GRIK2: variants seen among roughly 807,000 people sequenced by gnomAD.
GRIK2 encodes glutamate receptor ionotropic, kainate 2.
GRIK2 carries 32 observed loss-of-function variants against 100.3 expected under a neutral mutation model. The observed-to-expected ratio is 0.32, with a 90% confidence interval of 0.24 to 0.43. The LOEUF (loss-of-function observed/expected upper bound fraction) is 0.43, where lower values mean the gene tolerates loss of function less well. GRIK2 is among the 20% of genes least tolerant of loss of function. The probability of loss-of-function intolerance (pLI) is 1.00; values close to 1 mark genes in which losing one functional copy is unlikely to be tolerated. For missense variants in GRIK2, 843 were observed against 1,114.9 expected, an observed-to-expected ratio of 0.76 and a Z score of 3.47; for synonymous variants, 417 against 389.4, an observed-to-expected ratio of 1.07 and a Z score of -0.83.
chr6:101,819,365 T>G (rs1297924508), intron 10 of GRIK2, among the ~76,000 whole-genome samples: 2 of 152,208 alleles, frequency 1.3e-5, no homozygotes, highest in Non-Finnish European at 2.9e-5. Flanking sequence ...GAATATATAT[T>G]CTTGCCCCTT....
chr6:101,911,276 C>A (rs1463061665), intron 12 of GRIK2, among the ~76,000 whole-genome samples: 3 of 151,436 alleles, frequency 2.0e-5, no homozygotes, highest in Non-Finnish European at 4.4e-5. Flanking sequence ...ATATGAGGTG[C>A]CTGTCACAAT....
intron 7 of GRIK2, among the ~76,000 whole-genome samples, chr6:101,694,347 G>A (rs531061397): frequency 6.6e-6 from 1 of 152,232 alleles, no homozygotes; most frequent in East Asian, 1.9e-4. Context: ...TTAACAGCAA[G>A]TTTGACATAA....
chr6:101,539,382 T>C (rs1331122705), intron 2 of GRIK2, among the ~76,000 whole-genome samples: 54 of 151,876 alleles, frequency 3.6e-4, no homozygotes, highest in Non-Finnish European at 1.2e-4. Context: ...AATAAAGCCA[T>C]CATGGAAATG....
At chr6:101,562,125 A>AG (rs1305217279) in intron 2 of GRIK2, among the ~76,000 whole-genome samples, 1 of 152,094 alleles carries the variant, frequency 6.6e-6, no homozygotes, top group African/African-American at 2.4e-5. Flanking sequence ...GTCTGTGAAA[A>AG]GGGGGGAAAT....
chr6:101,992,256 A>C (rs1794417277), intron 14 of GRIK2, among the ~76,000 whole-genome samples: 1 of 151,620 alleles, frequency 6.6e-6, no homozygotes, highest in South Asian at 2.1e-4. Flanking sequence ...ATGACCTCTG[A>C]TTAATCTCTT....
At chr6:101,832,777 T>G (rs2128428817) in intron 10 of GRIK2, among the ~76,000 whole-genome samples, 1 of 152,310 alleles carries the variant, frequency 6.6e-6, no homozygotes, top group African/African-American at 2.4e-5. Context: ...TTATTATAAA[T>G]TCTGGTTTTG....
At chr6:101,780,788 T>G (rs904374618) in intron 7 of GRIK2, among the ~76,000 whole-genome samples, 1 of 152,132 alleles carries the variant, frequency 6.6e-6, no homozygotes, top group Non-Finnish European at 1.5e-5. Flanking sequence ...TAAATTTGGG[T>G]GTAAGAGACG....
chr6:101,810,188 C>T (rs1217579022), intron 9 of GRIK2, among the ~76,000 whole-genome samples: 2 of 151,696 alleles, frequency 1.3e-5, no homozygotes, highest in Non-Finnish European at 2.9e-5. Flanking sequence ...GGAAAAATGG[C>T]TTTTAACTGA....
intron 7 of GRIK2, among the ~76,000 whole-genome samples, chr6:101,689,339 A>G (rs1771931021): frequency 6.6e-6 from 1 of 152,074 alleles, no homozygotes; most frequent in Non-Finnish European, 1.5e-5. Flanking sequence ...AAGACCTATT[A>G]TTATCAGTAT....
chr6:101,795,266 A>G (rs889010998), intron 7 of GRIK2, among the ~76,000 whole-genome samples: 1 of 152,132 alleles, frequency 6.6e-6, no homozygotes, highest in African/African-American at 2.4e-5. Context: ...CTTTGATTAT[A>G]GGGTTAGCAG....
intron 2 of GRIK2, among the ~76,000 whole-genome samples, chr6:101,442,454 A>G (rs1582460977): frequency 1.3e-5 from 2 of 151,984 alleles, no homozygotes; most frequent in Admixed American, 6.6e-5. Flanking sequence ...CTGGTTGGAG[A>G]TTCTCTGGGG....
At chr6:102,031,565 T>C (rs1371032726) in intron 14 of GRIK2, among the ~76,000 whole-genome samples, 1 of 151,250 alleles carries the variant, frequency 6.6e-6, no homozygotes, top group Non-Finnish European at 1.5e-5. Context: ...GTTGATCATG[T>C]CACCTAGGTA....
chr6:101,505,060 GT>G (rs5878668), intron 2 of GRIK2, among the ~76,000 whole-genome samples: 69,012 of 144,924 alleles, frequency 0.48, 16,283 homozygotes, highest in South Asian at 0.67. Flanking sequence ...AGTTTTTTTT[GT>G]TTTTTTTTTT....
intron 7 of GRIK2, among the ~76,000 whole-genome samples, chr6:101,700,539 T>C (rs1772816480): frequency 6.6e-6 from 1 of 152,124 alleles, no homozygotes; most frequent in Non-Finnish European, 1.5e-5. Flanking sequence ...GTGGTGATTA[T>C]ATAAAGATAT....
At chr6:101,697,573 A>T (rs1209281915) in intron 7 of GRIK2, among the ~76,000 whole-genome samples, 1 of 151,994 alleles carries the variant, frequency 6.6e-6, no homozygotes, top group East Asian at 1.9e-4. Context: ...TCAATGTCAG[A>T]TCATTTCGTT....
Position 101,622,180 on chromosome 6 carries a change from A to G in GRIK2, c.283+64A>G, listed in dbSNP as rs1001421839. The G allele has an allele frequency of 4.1e-6, 4 of 964,750 alleles. No individual in the cohort carries two copies. The Admixed American group carries it at 9.1e-5, about 22-fold the overall frequency. The allele number at this position is 964,750 out of a possible 1,614,324, so 59.8% of individuals were successfully genotyped here. On this transcript the variant is annotated intron_variant, in intron 3 of 16. Coordinates refer to ENST00000369134, the MANE Select transcript of GRIK2 (RefSeq NM_021956.5). ...TCAAATTTCTAGGTATTCTTAAGAG[A>G]TTTTTTTATTTTTCAACATACAGTT...
chr6:101,970,801 C>A (rs1168176051), intron 14 of GRIK2, among the ~76,000 whole-genome samples: 1 of 150,676 alleles, frequency 6.6e-6, no homozygotes, highest in Admixed American at 6.6e-5. Flanking sequence ...GCAGTTAAGT[C>A]CTGCCTCCTG....
intron 2 of GRIK2, among the ~76,000 whole-genome samples, chr6:101,417,622 CCCTA>C (rs1776215995): frequency 6.6e-6 from 1 of 152,198 alleles, no homozygotes; most frequent in African/African-American, 2.4e-5. Flanking sequence ...CTCCACCTCC[CCCTA>C]AAAGGATGTG....
At chr6:101,471,020 G>T (rs1771920109) in intron 2 of GRIK2, among the ~76,000 whole-genome samples, 1 of 151,876 alleles carries the variant, frequency 6.6e-6, no homozygotes, top group East Asian at 1.9e-4. Flanking sequence ...TATTCTTTTT[G>T]TGTCATTATG....
Sources: allele counts gnomAD v4.1 joint callset (sites outside exome capture counted in the v4.1 genomes callset), GRCh38; gene constraint gnomAD v4.1.1; transcripts MANE v1.5; gene names NCBI Gene and HGNC (gene_info 2026-07-23, HGNC 2026-07-21).